AFF3: variants seen among roughly 807,000 people sequenced by gnomAD.
The protein encoded by AFF3 is ALF transcription elongation factor 3, also known as AF4/FMR2 family member 3.
In AFF3, 32 loss-of-function variants were observed where a neutral mutation model predicts 129.7. The observed-to-expected ratio is 0.25, with a 90% CI of 0.19 to 0.33. The LOEUF is 0.33. Ranked by LOEUF, AFF3 falls within the 10% of genes least tolerant of loss-of-function variation. The pLI, the probability that AFF3 is intolerant of heterozygous loss-of-function variation, is 1.00. For missense variants in AFF3, 1,373 were observed against 1,592.0 expected (o/e 0.86, Z 2.34); for synonymous variants, 644 against 635.4 (o/e 1.01, Z -0.20).
At chr2:99,789,194 G>C (rs1194750442) in intron 8 of AFF3, among the ~76,000 whole-genome samples, 1 of 152,082 alleles carries the variant, frequency 6.6e-6, no homozygotes, top group Non-Finnish European at 1.5e-5. Context: ...CAACTCTTTG[G>C]GAGGCCAAGT....
intron 4 of AFF3, among the ~76,000 whole-genome samples, chr2:100,035,420 C>A (rs1201285793): frequency 6.6e-6 from 1 of 152,118 alleles, no homozygotes; most frequent in African/African-American, 2.4e-5. Context: ...GCAGACATCC[C>A]AATGATGAAC....
chr2:100,139,754 A>C (rs1325960411), intron 1 of AFF3, among the ~76,000 whole-genome samples: 2 of 151,802 alleles, frequency 1.3e-5, no homozygotes, highest in Admixed American at 6.5e-5. Context: ...TCAACTCACT[A>C]ATAACCAAAA....
chr2:99,578,401 C>A lies in AFF3; in HGVS notation c.2844G>T (p.Pro948=). Residue 948 remains proline (P), a synonymous_variant, in exon 18 of 25, where the codon CCG becomes CCT. Coordinates refer to ENST00000672756, the MANE Select transcript of AFF3 (RefSeq NM_001386135.1). Reference sequence around the variant, plus strand: ...AGCCTGGAGACCACGGCTTCGTCTGCGGCCGTGACTTGTGGAGGGGAATGT... The same window carrying A: ...AGCCTGGAGACCACGGCTTCGTCTGAGGCCGTGACTTGTGGAGGGGAATGT... ...SENIPLHKSR[P]QTKPWSPGSN... 1 of 1,611,138 alleles carries A rather than the reference C, an allele frequency of 6.2e-7. No individual in the cohort carries two copies. The highest frequency in any genetic ancestry group is 1.1e-5 in the South Asian group (1 of 90,262).
intron 4 of AFF3, among the ~76,000 whole-genome samples, chr2:100,050,913 C>T (rs754596481): frequency 2.0e-5 from 3 of 152,182 alleles, no homozygotes; most frequent in African/African-American, 4.8e-5. Context: ...AACAGTCCCG[C>T]GGAAAGAAGA....
intron 22 of AFF3, among the ~76,000 whole-genome samples, chr2:99,557,082 G>C (rs918444714): frequency 6.6e-6 from 1 of 152,128 alleles, no homozygotes. Context: ...AAAACGGTAA[G>C]TATGTGAGGT....
intron 22 of AFF3, 46 bp downstream of exon 22, chr2:99,558,829 G>C (rs781780793): frequency 6.3e-7 from 1 of 1,578,418 alleles, no homozygotes; most frequent in Non-Finnish European, 8.7e-7. Context: ...TTGACAGGGA[G>C]ACAAGTGAAA....
rs957647848 is a variant in AFF3, at chr2:99,551,117, T to C, written c.*357A>G. 4.6e-6 allele frequency: 2 copies of C among 434,486 alleles called. No homozygotes were observed. The highest frequency in any genetic ancestry group is 3.9e-5 in the African/African-American group (2 of 50,712). The allele number at this position is 434,486 out of a possible 1,614,324, so 26.9% of individuals were successfully genotyped here. A position where few individuals can be genotyped will look rare whatever the true frequency, so the allele number is the denominator to read the frequency against. The stretch of plus-strand genomic sequence containing the variant: ...GTCACGGTTTAGCACTGGAATGGAA[T>C]AGAAAGTGTGTGTCTGTGATTGTGT... On this transcript the variant is annotated 3_prime_UTR_variant, in exon 25 of 25. Coordinates refer to ENST00000672756, the MANE Select transcript of AFF3 (RefSeq NM_001386135.1).
rs745651225 is a variant in AFF3, at chr2:99,632,008, C to CTTTTTTTTTTTTTT, written c.1184+17604_1184+17617dup. Among the ~76,000 whole-genome samples the CTTTTTTTTTTTTTT allele has an allele frequency of 2.6e-5, 2 of 76,884 alleles. 1 individual carries two copies. Among genetic ancestry groups the CTTTTTTTTTTTTTT allele is most frequent in the African/African-American group, 1.1e-4 (2 of 18,346 alleles). 50.4% of individuals were successfully genotyped at this position (76,884 alleles called of 152,430 possible). On this transcript the variant is annotated intron_variant, in intron 13 of 24. Transcript: ENST00000672756. ...CAATTTATCCACAACCTTGCCAACA[C>CTTTTTTTTTTTTTT]TTTTTTTTTTTTTTTTTTTTTTTTT...
chr2:99,791,316 A>G (rs940631606), intron 8 of AFF3, among the ~76,000 whole-genome samples: 1 of 152,220 alleles, frequency 6.6e-6, no homozygotes, highest in Non-Finnish European at 1.5e-5. Context: ...ATGATATACA[A>G]TGGTGTGTTT....
At chr2:100,028,161 G>A (rs990724813) in intron 4 of AFF3, among the ~76,000 whole-genome samples, 1 of 152,152 alleles carries the variant, frequency 6.6e-6, no homozygotes, top group Non-Finnish European at 1.5e-5. Context: ...AGTGACAGTG[G>A]TATTAGGTGA....
chr2:100,131,584 C>T (rs983704886), intron 1 of AFF3, among the ~76,000 whole-genome samples: 6 of 152,000 alleles, frequency 3.9e-5, no homozygotes, highest in Non-Finnish European at 8.8e-5. Flanking sequence ...CTCAGCCTCC[C>T]GAGGAGCTGG....
Position 99,851,169 on chromosome 2 carries a change from ATTT to A in AFF3, c.874-13648_874-13646del, listed in dbSNP as rs1226077772. ...TACATTTAGGCAGCATTTATTAGAC[ATTT>A]AACCCTATCAGGCAGAGCCTTGCCT... On this transcript the variant is annotated intron_variant, in intron 7 of 24. Coordinates refer to ENST00000672756, the MANE Select transcript of AFF3 (RefSeq NM_001386135.1). Among the ~76,000 whole-genome samples the A allele has an allele frequency of 1.8e-3, 272 of 152,362 alleles. 1 individual carries two copies. The highest frequency in any genetic ancestry group is 6.3e-3 in the African/African-American group (264 of 41,594).
chr2:99,786,375 A>G (rs538102475), intron 8 of AFF3, among the ~76,000 whole-genome samples: 1 of 152,312 alleles, frequency 6.6e-6, no homozygotes, highest in East Asian at 1.9e-4. Context: ...TACATCCGTT[A>G]ATGTCAGTTG....
Position 99,582,874 on chromosome 2 carries a change from C to T in AFF3, c.2717G>A (p.Ser906Asn). 1 of 1,614,224 alleles carries T rather than the reference C, an allele frequency of 6.2e-7. No individual in the cohort carries two copies. The highest frequency in any genetic ancestry group is 8.5e-7 in the Non-Finnish European group (1 of 1,180,048). ...GCTGGAAGAGGCTGAAGTAAACAAA[C>T]TGTTGCCATTAGGTCGGCTGGAAGA... ...LTSSSRPNGN[S>N]LFTSASSSKK... Residue 906 changes from serine (S) to asparagine (N), a missense_variant, in exon 17 of 25, where the codon AGT becomes AAT. By Grantham distance (46) the Ser-to-Asn change is conservative (BLOSUM62 1). This residue lies in a region of AFF3 where 466 missense variants were observed against 505.0 expected (regional missense o/e 0.92). Transcript: ENST00000672756.
At chr2:100,068,878 T>C (rs565455530) in intron 4 of AFF3, among the ~76,000 whole-genome samples, 1 of 152,170 alleles carries the variant, frequency 6.6e-6, no homozygotes, top group African/African-American at 2.4e-5. Flanking sequence ...AGGTGGAGAG[T>C]CACACAGAAC....
At chr2:99,953,654 G>A (rs1470346922) in intron 7 of AFF3, among the ~76,000 whole-genome samples, 2 of 152,138 alleles carry the variant, frequency 1.3e-5, no homozygotes, top group Non-Finnish European at 2.9e-5. Flanking sequence ...AAGTTATATT[G>A]TAATACCCAT....
intron 7 of AFF3, among the ~76,000 whole-genome samples, chr2:99,886,082 CT>C (rs1160987055): frequency 8.5e-5 from 13 of 152,162 alleles, no homozygotes; most frequent in Middle Eastern, 3.2e-3. Flanking sequence ...AAGTGTGCCC[CT>C]CCTTCTTGAT....
chr2:99,649,622 G>A lies in AFF3; in HGVS notation c.1184+4C>T, dbSNP rs746485135. On this transcript the variant is annotated splice_donor_region_variant and intron_variant, in intron 13 of 24. Transcript: ENST00000672756. ...TTATAGTTCATAAAAATGACAAAAT[G>A]TACCTGTCAGAGAGAGCGCGGAGAG... The A allele has an allele frequency of 3.1e-6, 5 of 1,613,676 alleles. No homozygotes were observed. The African/African-American group carries it at 4.0e-5, about 13-fold the overall frequency.
chr2:100,073,419 C>T (rs1333274852), intron 4 of AFF3, among the ~76,000 whole-genome samples: 1 of 152,192 alleles, frequency 6.6e-6, no homozygotes, highest in East Asian at 1.9e-4. Flanking sequence ...GATTCTCCCT[C>T]ACCACCCTCA....
Sources: allele counts gnomAD v4.1 joint callset (sites outside exome capture counted in the v4.1 genomes callset), GRCh38; gene constraint gnomAD v4.1.1; regional missense constraint gnomAD v4.1.1; transcripts MANE v1.5; gene names NCBI Gene and HGNC (gene_info 2026-07-23, HGNC 2026-07-21).